Variants in CLIC5 observed in about 807,000 individuals in gnomAD.
The protein encoded by CLIC5 is chloride intracellular channel protein 5.
Under a neutral mutation model 24.7 loss-of-function variants are expected in CLIC5, and 20 were observed. The ratio of observed to expected loss-of-function variants is 0.81; its 90% CI spans 0.57 to 1.18. The LOEUF (loss-of-function observed/expected upper bound fraction) is 1.18. CLIC5 is among the 50% of genes most tolerant of loss of function. The pLI is 0.00. For synonymous variants in CLIC5, 159 were observed against 135.6 expected (o/e 1.17, Z -1.20); for missense variants, 341 against 326.1 (o/e 1.05, Z -0.35).
chr6:45,984,463 G>T (rs1265484704), intron 1 of CLIC5, among the ~76,000 whole-genome samples: 1 of 152,200 alleles, frequency 6.6e-6, no homozygotes, highest in East Asian at 1.9e-4. Flanking sequence ...GACTTTGGGA[G>T]CTTCAGCTTT....
At chr6:46,075,434 A>T (rs1762739563) in intron 1 of CLIC5, among the ~76,000 whole-genome samples, 2 of 151,980 alleles carry the variant, frequency 1.3e-5, no homozygotes, top group African/African-American at 4.8e-5. Context: ...CAAAAAATTT[A>T]ATTAGATGGG....
intron 1 of CLIC5, among the ~76,000 whole-genome samples, chr6:46,000,538 T>A (rs562045855): frequency 6.6e-6 from 1 of 152,332 alleles, no homozygotes; most frequent in African/African-American, 2.4e-5. Context: ...TTTGTTTTCA[T>A]GCTGCTATGA....
upstream of CLIC5, among the ~76,000 whole-genome samples, chr6:46,082,808 C>T (rs1182619381): frequency 6.6e-6 from 1 of 152,136 alleles, no homozygotes; most frequent in South Asian, 2.1e-4. Flanking sequence ...TACTTTCCCC[C>T]CCTTTTCCAT....
At chr6:45,914,489 C>T (rs1762944785) in intron 4 of CLIC5, 80 bp from the exon 5 acceptor site, 1 of 1,394,396 alleles carries the variant, frequency 7.2e-7, no homozygotes, top group South Asian at 2.0e-5. Context: ...AGTGGAGTAG[C>T]TCATCTAGAA....
At chr6:46,008,579 C>T (rs1356421568) in intron 1 of CLIC5, among the ~76,000 whole-genome samples, 1 of 152,176 alleles carries the variant, frequency 6.6e-6, no homozygotes, top group African/African-American at 2.4e-5. Context: ...CAGAGCCTGG[C>T]ACAGAGTAGG....
At chr6:46,040,184 A>G (rs963233716) in intron 1 of CLIC5, among the ~76,000 whole-genome samples, 6 of 152,242 alleles carry the variant, frequency 3.9e-5, no homozygotes, top group African/African-American at 1.4e-4. Context: ...GTGGTGGAAG[A>G]TAATGATGAT....
Position 45,943,129 on chromosome 6 carries a change from T to G in CLIC5, c.300-1476A>C, listed in dbSNP as rs115827598. 2.9e-3 allele frequency among the ~76,000 whole-genome samples: 442 copies of G among 152,346 alleles called. 1 individual carries two copies. The highest frequency in any genetic ancestry group is 0.01 in the African/African-American group (423 of 41,570). Reference sequence around the variant, plus strand: ...ACTATTATTAGCCTAATTTCCTACATGAGGAAACGGTGGCATAGAGAGGTT... The same window carrying G: ...ACTATTATTAGCCTAATTTCCTACAGGAGGAAACGGTGGCATAGAGAGGTT... On this transcript the variant is annotated intron_variant, in intron 3 of 5. Coordinates refer to ENST00000339561, the MANE Select transcript of CLIC5 (RefSeq NM_016929.5).
In CLIC5 at chr6:45,900,624, A is replaced by G. The variant is rs1356952021; in HGVS notation, c.*2464T>C. On this transcript the variant is annotated 3_prime_UTR_variant, in exon 6 of 6. Transcript: ENST00000339561. Reference sequence around the variant, plus strand: ...AGACACCATAACTAACTCTTAGTCCATAGTCACTTGCATTATATGATAATC... The same window carrying G: ...AGACACCATAACTAACTCTTAGTCCGTAGTCACTTGCATTATATGATAATC... The G allele has an allele frequency of 1.3e-5, 2 of 152,136 alleles. No homozygotes were observed. The highest frequency in any genetic ancestry group is 2.9e-5 in the Non-Finnish European group (2 of 68,026). 9.4% of individuals were successfully genotyped at this position (152,136 alleles called of 1,614,324 possible). A position where few individuals can be genotyped will look rare whatever the true frequency, so the allele number is the denominator to read the frequency against.
chr6:46,004,123 A>G (rs1019813840), intron 1 of CLIC5, among the ~76,000 whole-genome samples: 8 of 152,244 alleles, frequency 5.3e-5, no homozygotes, highest in Admixed American at 4.6e-4. Context: ...TTGATCTAGC[A>G]GATGGGGAAT....
intron 3 of CLIC5, among the ~76,000 whole-genome samples, chr6:45,946,666 AGCTGGTGAG>A (rs1764299292): frequency 6.6e-6 from 1 of 152,154 alleles, no homozygotes; most frequent in Non-Finnish European, 1.5e-5. Flanking sequence ...TCGCTGGGGA[AGCTGGTGAG>A]GCTGGTGGTT....
At chr6:46,014,057 C>T (rs1766903590) in intron 1 of CLIC5, among the ~76,000 whole-genome samples, 2 of 152,060 alleles carry the variant, frequency 1.3e-5, no homozygotes, top group Admixed American at 1.3e-4. Flanking sequence ...GGGGGAGTCC[C>T]AGAAACCAAA....
chr6:45,929,523 G>C (rs565033507), intron 4 of CLIC5, among the ~76,000 whole-genome samples: 1 of 152,234 alleles, frequency 6.6e-6, no homozygotes, highest in Non-Finnish European at 1.5e-5. Context: ...TTGGCTATTT[G>C]CACACAGGGG....
intron 2 of CLIC5, among the ~76,000 whole-genome samples, chr6:45,953,876 A>G (rs1764552219): frequency 6.6e-6 from 1 of 152,032 alleles, no homozygotes; most frequent in Admixed American, 6.6e-5. Flanking sequence ...TGAAAAAGAG[A>G]GTTTGGAGGA....
chr6:45,963,223 T>C (rs546667645), intron 1 of CLIC5, among the ~76,000 whole-genome samples: 1 of 152,284 alleles, frequency 6.6e-6, no homozygotes, highest in Non-Finnish European at 1.5e-5. Flanking sequence ...ATTCGTCTTA[T>C]AGCTAAAACT....
chr6:46,116,234 A>G, the CLIC5 span, among the ~76,000 whole-genome samples: 93,681 of 151,072 alleles, frequency 0.62, 29,324 homozygotes, highest in Middle Eastern at 0.82. Context: ...AGAATTTGAC[A>G]CTAGATGTAT....
At chr6:45,962,201 C>T (rs1188944599) in intron 1 of CLIC5, among the ~76,000 whole-genome samples, 1 of 149,788 alleles carries the variant, frequency 6.7e-6, no homozygotes, top group African/African-American at 2.4e-5. Context: ...TATATATACA[C>T]ATATATATAA....
the CLIC5 span, among the ~76,000 whole-genome samples, chr6:46,113,085 G>C: frequency 6.6e-6 from 1 of 152,044 alleles, no homozygotes; most frequent in Non-Finnish European, 1.5e-5. Context: ...TAGTAGGCCA[G>C]GCCAGGTTGT....
chr6:45,955,858 G>T (rs994513034), intron 1 of CLIC5, among the ~76,000 whole-genome samples: 14 of 151,950 alleles, frequency 9.2e-5, no homozygotes, highest in African/African-American at 2.4e-4. Flanking sequence ...GTTCTGGCTA[G>T]TACTTGGCCT....
chr6:45,944,250 C>T lies in CLIC5; in HGVS notation c.300-2597G>A, dbSNP rs140208296. Among the ~76,000 whole-genome samples, 275 of 151,002 alleles carry T rather than the reference C, an allele frequency of 1.8e-3. 1 individual carries two copies. Among genetic ancestry groups the T allele is most frequent in the African/African-American group, 6.2e-3 (254 of 41,220 alleles). On this transcript the variant is annotated intron_variant, in intron 3 of 5. Coordinates refer to ENST00000339561, the MANE Select transcript of CLIC5 (RefSeq NM_016929.5). ...AAAAGGAGGATACTGTTTTGTGATA[C>T]GTGAAAATAATATGAAATTCAAATT...
Sources: gnomAD v4.1 joint callset for allele counts (sites outside exome capture counted in the v4.1 genomes callset) on GRCh38, gnomAD v4.1.1 for gene constraint, MANE v1.5 for transcripts, NCBI Gene and HGNC (gene_info 2026-07-23, HGNC 2026-07-21) for gene names.